KCTD8: variants seen among roughly 807,000 people sequenced by gnomAD.
The protein encoded by KCTD8 is potassium channel tetramerization domain containing 8.
In KCTD8, 27 loss-of-function variants were observed where a neutral mutation model predicts 31.5. The ratio of observed to expected loss-of-function variants is 0.86; its 90% CI spans 0.63 to 1.18. KCTD8 has a LOEUF of 1.18. Ranked by LOEUF, KCTD8 falls within the 50% of genes most tolerant of loss-of-function variation. KCTD8 has a pLI of 0.00. For synonymous variants in KCTD8, 290 were observed against 280.0 expected (o/e 1.04, Z -0.36); for missense variants, 658 against 647.7 (o/e 1.02, Z -0.17).
intron 1 of KCTD8, among the ~76,000 whole-genome samples, chr4:44,270,081 C>A (rs1196700670): frequency 6.6e-6 from 1 of 152,100 alleles, no homozygotes; most frequent in Non-Finnish European, 1.5e-5. Context: ...GCTATAAAGA[C>A]ACATGCACAC....
intron 1 of KCTD8, among the ~76,000 whole-genome samples, chr4:44,251,942 G>C (rs968472044): frequency 3.3e-5 from 5 of 151,542 alleles, no homozygotes; most frequent in Non-Finnish European, 7.4e-5. Flanking sequence ...GGTGACTTCT[G>C]AGATTCTGGT....
chr4:44,195,246 C>G (rs1183522814), intron 1 of KCTD8, among the ~76,000 whole-genome samples: 1 of 151,354 alleles, frequency 6.6e-6, no homozygotes, highest in African/African-American at 2.4e-5. Flanking sequence ...TATAATTATC[C>G]AATTATAAGG....
chr4:44,284,776 A>G (rs550617603), intron 1 of KCTD8, among the ~76,000 whole-genome samples: 1 of 152,334 alleles, frequency 6.6e-6, no homozygotes, highest in Non-Finnish European at 1.5e-5. Context: ...AATTTACAAG[A>G]AAAAAGCAAA....
At chr4:44,283,027 T>TATA (rs1464139870) in intron 1 of KCTD8, among the ~76,000 whole-genome samples, 4 of 5,932 alleles carry the variant, frequency 6.7e-4, no homozygotes, top group Non-Finnish European at 2.1e-3. Context: ...CAACACATTT[T>TATA]ATTATTATTA....
At chr4:44,194,524 C>A (rs1713870999) in intron 1 of KCTD8, among the ~76,000 whole-genome samples, 1 of 152,024 alleles carries the variant, frequency 6.6e-6, no homozygotes, top group African/African-American at 2.4e-5. Context: ...TCATTAAAAT[C>A]TTGGAGGTAG....
chr4:44,314,565 C>G (rs1010855382), intron 1 of KCTD8, among the ~76,000 whole-genome samples: 6 of 152,012 alleles, frequency 3.9e-5, no homozygotes, highest in African/African-American at 1.2e-4. Context: ...TTTCCTCTGC[C>G]TGACACAATC....
At chr4:44,377,029 ACAC>A (rs1719930536) in intron 1 of KCTD8, among the ~76,000 whole-genome samples, 1 of 152,224 alleles carries the variant, frequency 6.6e-6, no homozygotes, top group African/African-American at 2.4e-5. Flanking sequence ...TGAGGCCCAC[ACAC>A]CACATGTTTA....
chr4:44,421,216 CAT>C (rs1467131803), intron 1 of KCTD8, among the ~76,000 whole-genome samples: 1 of 152,016 alleles, frequency 6.6e-6, no homozygotes, highest in Non-Finnish European at 1.5e-5. Flanking sequence ...TACTATAAAA[CAT>C]ATAAAAACAT....
In KCTD8 at chr4:44,448,633, C is replaced by G; in HGVS notation, c.-110G>C. Reference sequence around the variant, plus strand: ...TGGCGCTCTGCGCCCTCGGACTGGGCGGCGCGTTCCTCCGACCGGGGCGGC... The same window carrying G: ...TGGCGCTCTGCGCCCTCGGACTGGGGGGCGCGTTCCTCCGACCGGGGCGGC... On this transcript the variant is annotated 5_prime_UTR_variant, in exon 1 of 2. Coordinates refer to ENST00000360029, the MANE Select transcript of KCTD8 (RefSeq NM_198353.3). This position sits in a 1 kb window ranked among gnomAD's most constrained non-coding sequence, Gnocchi z 4.1. 8.5e-7 allele frequency: 1 copy of G among 1,174,798 alleles called. No individual in the cohort carries two copies. Among genetic ancestry groups the G allele is most frequent in the Non-Finnish European group, 1.1e-6 (1 of 925,312 alleles). 72.8% of individuals were successfully genotyped at this position (1,174,798 alleles called of 1,614,324 possible).
chr4:44,432,396 A>G (rs1721527429), intron 1 of KCTD8, among the ~76,000 whole-genome samples: 1 of 151,578 alleles, frequency 6.6e-6, no homozygotes. Flanking sequence ...CAAAACCATA[A>G]TCTTTTTCAG....
chr4:44,176,689 T>C (rs2109327756), intron 1 of KCTD8, among the ~76,000 whole-genome samples: 1 of 152,316 alleles, frequency 6.6e-6, no homozygotes, highest in African/African-American at 2.4e-5. Context: ...ATGGAAATAT[T>C]CTATCTCTTC....
At chr4:44,265,725 CT>C (rs1184994081) in intron 1 of KCTD8, among the ~76,000 whole-genome samples, 3 of 152,122 alleles carry the variant, frequency 2.0e-5, no homozygotes, top group African/African-American at 7.2e-5. Context: ...AAAGCCAAGG[CT>C]CGAGAACTAC....
intron 1 of KCTD8, among the ~76,000 whole-genome samples, chr4:44,424,020 G>A (rs544686349): frequency 2.6e-5 from 4 of 152,044 alleles, no homozygotes; most frequent in Admixed American, 6.6e-5. Flanking sequence ...GTATTGGGTA[G>A]GTAGTTTCTA....
chr4:44,424,710 A>G (rs988883967), intron 1 of KCTD8, among the ~76,000 whole-genome samples: 2 of 152,018 alleles, frequency 1.3e-5, no homozygotes, highest in African/African-American at 2.4e-5. Context: ...AATGATATAA[A>G]CCCTAAAAAT....
At chr4:44,442,032 G>T (rs1721821924) in intron 1 of KCTD8, among the ~76,000 whole-genome samples, 1 of 152,012 alleles carries the variant, frequency 6.6e-6, no homozygotes, top group Admixed American at 6.6e-5. Flanking sequence ...ACCAAAAAAA[G>T]ATAGCATATA....
chr4:44,216,898 T>A (rs118101195), intron 1 of KCTD8, among the ~76,000 whole-genome samples: 1 of 152,184 alleles, frequency 6.6e-6, no homozygotes, highest in Admixed American at 6.5e-5. Context: ...AGTTAATTTT[T>A]TTTTTGTCAA....
intron 1 of KCTD8, among the ~76,000 whole-genome samples, chr4:44,330,993 T>C (rs781045127): frequency 3.3e-5 from 5 of 151,968 alleles, no homozygotes; most frequent in Non-Finnish European, 7.4e-5. Flanking sequence ...TAAGGCATAA[T>C]AGATACTTTA....
intron 1 of KCTD8, among the ~76,000 whole-genome samples, chr4:44,205,152 T>C (rs1434222902): frequency 6.6e-6 from 1 of 152,206 alleles, no homozygotes; most frequent in Non-Finnish European, 1.5e-5. Flanking sequence ...AAATATTTCA[T>C]GTAACTTGAC....
intron 1 of KCTD8, among the ~76,000 whole-genome samples, chr4:44,207,501 G>C (rs1714349424): frequency 6.6e-6 from 1 of 152,062 alleles, no homozygotes; most frequent in Admixed American, 6.6e-5. Flanking sequence ...ACATATTATA[G>C]GTATTTGACA....
Sources: gnomAD v4.1 joint callset for allele counts (sites outside exome capture counted in the v4.1 genomes callset) on GRCh38, gnomAD v4.1.1 for gene constraint, Gnocchi (gnomAD v3.1) non-coding constraint, MANE v1.5 for transcripts, NCBI Gene and HGNC (gene_info 2026-07-23, HGNC 2026-07-21) for gene names.